ZIM2: variants seen among roughly 807,000 people sequenced by gnomAD.
ZIM2 encodes the protein zinc finger imprinted 2, also known as zinc finger protein 656.
Under a neutral mutation model 38.6 loss-of-function variants are expected in ZIM2, and 14 were observed. That is an observed-to-expected ratio of 0.36 (90% CI 0.24 to 0.57). ZIM2 has a LOEUF of 0.57. Ranked by LOEUF, ZIM2 falls within the 20% of genes least tolerant of loss-of-function variation. ZIM2 has a pLI of 0.81. For missense variants in ZIM2, 680 were observed against 695.1 expected (o/e 0.98, Z 0.24); for synonymous variants, 247 against 245.8 (o/e 1.00, Z -0.04).
Position 56,775,443 on chromosome 19 carries a change from G to C in ZIM2, c.922C>G (p.Leu308Val). ...TPITMNDPKT[L>V]TPERSYGSDE... ...CTGCCATAGCTTCTTTCCGGAGTGA[G>C]GGTCTTGGGGTCATTCATTGTTATA... is the stretch of plus-strand genomic sequence containing the variant. Residue 308 changes from leucine (L) to valine (V), a missense_variant, in exon 13 of 13, where the codon CTC becomes GTC. By Grantham distance (32) the Leu-to-Val change is conservative. Transcript: ENST00000629319. 1 of 1,614,050 alleles carries C rather than the reference G, an allele frequency of 6.2e-7. No individual in the cohort carries two copies.
At chr19:56,790,115 A>G (rs1409027218) in intron 9 of ZIM2, 164 bp from the exon 10 acceptor site, 3 of 463,758 alleles carry the variant, frequency 6.5e-6, no homozygotes. Context: ...ACTCAAAATA[A>G]CAAGTTCCAA....
intron 9 of ZIM2, among the ~76,000 whole-genome samples, chr19:56,797,128 A>G (rs554918930): frequency 3.4e-3 from 514 of 152,218 alleles, no homozygotes; most frequent in Non-Finnish European, 4.3e-3. Context: ...CCTAATCAAC[A>G]TGGTGAGACC....
intron 1 of ZIM2, among the ~76,000 whole-genome samples, chr19:56,839,283 G>A (rs2062655728): frequency 6.6e-6 from 1 of 151,230 alleles, no homozygotes; most frequent in Non-Finnish European, 1.5e-5. Flanking sequence ...CATCTAGGTG[G>A]GCGGGGCCTG....
chr19:56,810,402 G>A (rs975515288), intron 9 of ZIM2: 11 of 985,118 alleles, frequency 1.1e-5, no homozygotes, highest in Non-Finnish European at 1.3e-5. Context: ...ACTATTTCTT[G>A]TTTTTCATCT....
chr19:56,775,418 C>T lies in ZIM2; in HGVS notation c.947G>A (p.Ser316Asn). 6.2e-7 allele frequency: 1 copy of T among 1,614,146 alleles called. No individual in the cohort carries two copies. The highest frequency in any genetic ancestry group is 8.5e-7 in the Non-Finnish European group (1 of 1,180,024). The change falls in exon 13 of 13, where the codon AGT becomes AAT. Residue 316 changes from serine to asparagine, a missense_variant. By Grantham distance (46) the Ser-to-Asn change is conservative (BLOSUM62 1). Coordinates refer to ENST00000629319, the MANE Select transcript of ZIM2 (RefSeq NM_001387356.1). ...ATTAGAGCTTCTCTCAAATTCATCACTGCCATAGCTTCTTTCCGGAGTGAG... is the reference window on the plus strand; with the variant it reads ...ATTAGAGCTTCTCTCAAATTCATCATTGCCATAGCTTCTTTCCGGAGTGAG... ...KTLTPERSYG[S>N]DEFERSSNLS...
intron 9 of ZIM2, among the ~76,000 whole-genome samples, chr19:56,802,049 G>C (rs777920504): frequency 6.6e-6 from 1 of 152,168 alleles, no homozygotes; most frequent in African/African-American, 2.4e-5. Context: ...ATAAGGGGGA[G>C]GATCACTGGA....
At chr19:56,817,100 C>T in intron 9 of ZIM2, 2 of 1,614,136 alleles carry the variant, frequency 1.2e-6, no homozygotes, top group Middle Eastern at 1.6e-4. Context: ...GGCATTGCCC[C>T]AAAATCAATT....
intron 2 of ZIM2, among the ~76,000 whole-genome samples, chr19:56,828,130 G>T (rs1189212178): frequency 6.6e-6 from 1 of 152,124 alleles, no homozygotes; most frequent in East Asian, 1.9e-4. Context: ...GCAGGTGCAG[G>T]CAGCCGTAAC....
intron 9 of ZIM2, chr19:56,816,633 C>T: frequency 6.2e-7 from 1 of 1,613,766 alleles, no homozygotes; most frequent in Non-Finnish European, 8.5e-7. Context: ...TTTCCCCGCG[C>T]TCACGTTCAC....
chr19:56,828,545 A>G (rs981723144), intron 2 of ZIM2, among the ~76,000 whole-genome samples: 3 of 152,238 alleles, frequency 2.0e-5, no homozygotes, highest in Non-Finnish European at 2.9e-5. Context: ...CCAATGGCAG[A>G]GACCACTGAA....
At chr19:56,821,983 A>C (rs1224278928) in intron 6 of ZIM2, among the ~76,000 whole-genome samples, 1 of 150,896 alleles carries the variant, frequency 6.6e-6, no homozygotes, top group East Asian at 2.0e-4. Flanking sequence ...TTCTGCTCCC[A>C]GTCTCGGAGG....
chr19:56,837,837 G>C (rs1029920540), intron 1 of ZIM2, among the ~76,000 whole-genome samples: 1 of 151,728 alleles, frequency 6.6e-6, no homozygotes, highest in Non-Finnish European at 1.5e-5. Context: ...CCCCGCCACC[G>C]GCCAACACAC....
At chr19:56,807,799 AAAAG>A (rs1381761914) in intron 9 of ZIM2, among the ~76,000 whole-genome samples, 1 of 152,132 alleles carries the variant, frequency 6.6e-6, no homozygotes, top group East Asian at 1.9e-4. Context: ...TCAAAAAAAA[AAAAG>A]AAAATTAAAA....
chr19:56,780,090 C>T (rs1012907468), intron 11 of ZIM2, among the ~76,000 whole-genome samples: 3 of 152,138 alleles, frequency 2.0e-5, no homozygotes, highest in Non-Finnish European at 2.9e-5. Context: ...AATGCCTATA[C>T]CAGGCCTTGT....
intron 5 of ZIM2, 46 bp from the exon 6 acceptor site, chr19:56,822,882 AC>A (rs750457178): frequency 6.3e-7 from 1 of 1,590,604 alleles, no homozygotes; most frequent in Non-Finnish European, 8.6e-7. Context: ...TCTTTGACAC[AC>A]CTGTTTTCCC....
Position 56,821,710 on chromosome 19 carries a change from T to C in ZIM2, c.235A>G (p.Ser79Gly), listed in dbSNP as rs374196455. 110 of 1,613,888 alleles carry C rather than the reference T, an allele frequency of 6.8e-5. No individual in the cohort carries two copies. Among genetic ancestry groups the C allele is most frequent in the Non-Finnish European group, 8.8e-5 (104 of 1,180,014 alleles). The change falls in exon 7 of 13, where the codon AGC becomes GGC. Residue 79 changes from serine to glycine, a missense_variant. By Grantham distance (56) the Ser-to-Gly change is moderately conservative. Transcript: ENST00000629319. ...DLSLPVVAKT[S>G]FEMDREDDRD... ...TCGTCCTCTCTGTCCATTTCAAAGC[T>C]TGTTTTCGCCACCACAGGAAGGGAA...
At chr19:56,815,898 A>G (rs929568888) in intron 9 of ZIM2, 2 of 1,612,844 alleles carry the variant, frequency 1.2e-6, no homozygotes, top group Non-Finnish European at 1.7e-6. Context: ...ATTCATTTCC[A>G]TTGTGACTTC....
rs2060727652 is a variant in ZIM2, at chr19:56,823,694, G to T, written c.17-15C>A. The T allele has an allele frequency of 6.2e-7, 1 of 1,614,012 alleles. No individual in the cohort carries two copies. The highest frequency in any genetic ancestry group is 1.3e-5 in the African/African-American group (1 of 75,020). ...GTTGTTGTCGTCTAAGAGGACACCG[G>T]TCGCCAAGTTACTATCTCTGGCCCA... On this transcript the variant is annotated splice_polypyrimidine_tract_variant and intron_variant, in intron 4 of 12. Transcript: ENST00000629319.
chr19:56,778,418 A>T (rs1163166976), intron 12 of ZIM2, among the ~76,000 whole-genome samples: 1 of 152,226 alleles, frequency 6.6e-6, no homozygotes, highest in Non-Finnish European at 1.5e-5. Flanking sequence ...GGGCTGTGTC[A>T]ATCAGCACTG....
Sources: gnomAD v4.1 joint callset for allele counts (sites outside exome capture counted in the v4.1 genomes callset) on GRCh38, gnomAD v4.1.1 for gene constraint, MANE v1.5 for transcripts, NCBI Gene and HGNC (gene_info 2026-07-23, HGNC 2026-07-21) for gene names.